The following KLHL13 variants were observed in gnomAD, a reference collection of about 807,000 sequenced individuals.
KLHL13 encodes kelch like family member 13.
In KLHL13, 10 loss-of-function variants were observed where a neutral mutation model predicts 37.1. The observed-to-expected ratio is 0.27, with a 90% CI of 0.17 to 0.46. The LOEUF (loss-of-function observed/expected upper bound fraction) is 0.46, where lower values mean the gene tolerates loss of function less well. Ranked by LOEUF, KLHL13 falls within the 20% of genes least tolerant of loss-of-function variation. The pLI is 1.00. For synonymous variants in KLHL13, 163 were observed against 181.2 expected (o/e 0.90, Z 0.81); for missense variants, 360 against 509.3 (o/e 0.71, Z 2.82).
chrX:118,045,410 A>T (rs1412101450), intron 1 of KLHL13, among the ~76,000 whole-genome samples: 1 of 109,671 alleles, frequency 9.1e-6, no homozygotes, highest in African/African-American at 3.3e-5. Flanking sequence ...AAATGGGCAA[A>T]CTATCTGAAT....
At chrX:117,926,918 T>C (rs1932070971) in intron 2 of KLHL13, among the ~76,000 whole-genome samples, 1 of 78,725 alleles carries the variant, frequency 1.3e-5, no homozygotes, top group Non-Finnish European at 2.4e-5. Context: ...TTTTTTTTTT[T>C]TTTTTGAGAT....
At chrX:118,066,870 T>C (rs2054799762) in intron 1 of KLHL13, among the ~76,000 whole-genome samples, 1 of 111,767 alleles carries the variant, frequency 8.9e-6, no homozygotes, top group Non-Finnish European at 1.9e-5. Context: ...AATAAATATA[T>C]GGAAAGATGC....
At chrX:118,098,198 T>C (rs2055236462) in intron 1 of KLHL13, among the ~76,000 whole-genome samples, 1 of 111,694 alleles carries the variant, frequency 9.0e-6, no homozygotes, top group Non-Finnish European at 1.9e-5. Context: ...AGGGCTAATA[T>C]CCAGAATCTA....
chrX:118,105,502 TATCAATGC>T (rs1329661770), intron 1 of KLHL13, among the ~76,000 whole-genome samples: 2 of 112,863 alleles, frequency 1.8e-5, no homozygotes, highest in African/African-American at 6.4e-5. Context: ...GGTTTAAATG[TATCAATGC>T]ATCAGATGCA....
At chrX:117,937,334 C>T (rs1438187093) in intron 2 of KLHL13, among the ~76,000 whole-genome samples, 2 of 110,869 alleles carry the variant, frequency 1.8e-5, no homozygotes, top group Non-Finnish European at 3.8e-5. Context: ...TCTATGGTAC[C>T]ACAGGAAATA....
chrX:117,903,179 C>CGAGAGAGA lies in KLHL13; in HGVS notation c.1367-1241_1367-1234dup, dbSNP rs56692141. 3.9e-3 allele frequency among the ~76,000 whole-genome samples: 361 copies of CGAGAGAGA among 92,302 alleles called. 4 individuals are homozygous for CGAGAGAGA. Among genetic ancestry groups the CGAGAGAGA allele is most frequent in the African/African-American group, 0.014 (337 of 23,983 alleles). The allele number at this position is 92,302 out of a possible 115,157, so 80.2% of individuals were successfully genotyped here. ...ACACAGAGAGAGAGAGAGAGGAGAG[C>CGAGAGAGA]GAGAGAGAGAGAGAGAGAGAGAGAG... is the stretch of plus-strand genomic sequence containing the variant. On this transcript the variant is annotated intron_variant, in intron 5 of 6. Coordinates refer to ENST00000262820, the Ensembl canonical transcript of KLHL13.
intron 1 of KLHL13, among the ~76,000 whole-genome samples, chrX:118,026,247 T>C (rs1443826114): frequency 8.9e-6 from 1 of 111,999 alleles, no homozygotes; most frequent in Non-Finnish European, 1.9e-5. Flanking sequence ...AAATACTACA[T>C]TTTCAAAATA....
chrX:118,079,636 G>T lies in KLHL13; in HGVS notation c.-56+36872C>A, dbSNP rs780508669. On this transcript the variant is annotated intron_variant, in intron 1 of 6. Coordinates refer to the KLHL13 transcript ENST00000371882. ...ACTATAAAACACTGCTGAAAGAAATGAAAGACAACACAAATAAATGGAAAA... is the reference window on the plus strand; with the variant it reads ...ACTATAAAACACTGCTGAAAGAAATTAAAGACAACACAAATAAATGGAAAA... Among the ~76,000 whole-genome samples, 4 of 110,535 alleles carry T rather than the reference G, an allele frequency of 3.6e-5. No homozygotes were observed. The South Asian group carries it at 1.6e-3, about 43-fold the overall frequency.
At chrX:117,969,347 C>T (rs748570248) in intron 1 of KLHL13, among the ~76,000 whole-genome samples, 3 of 111,881 alleles carry the variant, frequency 2.7e-5, no homozygotes, top group Non-Finnish European at 5.6e-5. Flanking sequence ...CCTGAAGGAA[C>T]CATTTGCTGT....
At position 117,956,223 on chromosome X, in the gene KLHL13, A is replaced by G. The variant is rs58055526; in HGVS notation, c.99-10648T>C. On this transcript the variant is annotated intron_variant, in intron 1 of 6. Coordinates refer to ENST00000262820, the Ensembl canonical transcript of KLHL13. ...CATTTGGGCAAAATATTTATGTGTC[A>G]CAACTATACATCATTACCTAAAATA... Among the ~76,000 whole-genome samples, 648 of 112,303 alleles carry G rather than the reference A, an allele frequency of 5.8e-3. 7 individuals are homozygous for G. Among genetic ancestry groups the G allele is most frequent in the African/African-American group, 0.02 (623 of 30,980 alleles).
intron 1 of KLHL13, among the ~76,000 whole-genome samples, chrX:118,067,022 TA>T (rs1159881954): frequency 3.6e-5 from 4 of 111,645 alleles, no homozygotes; most frequent in Non-Finnish European, 5.6e-5. Flanking sequence ...TGGGGATAGG[TA>T]CTCAGAAATG....
intron 1 of KLHL13, among the ~76,000 whole-genome samples, chrX:118,048,328 A>G (rs941756178): frequency 8.9e-6 from 1 of 111,967 alleles, no homozygotes; most frequent in African/African-American, 3.2e-5. Flanking sequence ...ATACACACTC[A>G]CACACACATA....
chrX:117,953,919 T>C (rs1428523065), intron 1 of KLHL13, among the ~76,000 whole-genome samples: 4 of 111,721 alleles, frequency 3.6e-5, no homozygotes, highest in Non-Finnish European at 5.7e-5. Flanking sequence ...CTCCCAACAC[T>C]TATGGGGTAG....
intron 1 of KLHL13, among the ~76,000 whole-genome samples, chrX:118,099,256 T>C (rs989604209): frequency 1.8e-5 from 2 of 111,695 alleles, no homozygotes; most frequent in African/African-American, 3.2e-5. Flanking sequence ...CTGAAACAAA[T>C]ACTTTTGAAG....
At chrX:118,101,966 T>C (rs758593522) in intron 1 of KLHL13, among the ~76,000 whole-genome samples, 86 of 111,888 alleles carry the variant, frequency 7.7e-4, no homozygotes, top group African/African-American at 2.8e-3. Flanking sequence ...TCTTGGGTAT[T>C]TCTTTATAGT....
At chrX:118,024,706 T>C (rs913296889) in intron 1 of KLHL13, among the ~76,000 whole-genome samples, 6 of 111,967 alleles carry the variant, frequency 5.4e-5, no homozygotes, top group African/African-American at 1.9e-4. Context: ...ACCCACAGAA[T>C]GGCTAAAATT....
chrX:118,044,516 A>G (rs1464626834), intron 1 of KLHL13, among the ~76,000 whole-genome samples: 1 of 111,046 alleles, frequency 9.0e-6, no homozygotes, highest in Non-Finnish European at 1.9e-5. Flanking sequence ...CCAAAACAGC[A>G]TGGTGCTGGA....
chrX:118,097,412 G>C (rs1045521446), intron 1 of KLHL13, among the ~76,000 whole-genome samples: 1 of 111,141 alleles, frequency 9.0e-6, no homozygotes, highest in Non-Finnish European at 1.9e-5. Flanking sequence ...ACAAACCACT[G>C]CTCAAGCAAA....
intron 1 of KLHL13, among the ~76,000 whole-genome samples, chrX:118,020,626 G>C (rs190504221): frequency 0.084 from 9,274 of 110,254 alleles, 350 homozygotes; most frequent in African/African-American, 0.14. Context: ...ATTTGACCCA[G>C]CCATCCCATT....
Sources: gnomAD v4.1 joint callset for allele counts (sites outside exome capture counted in the v4.1 genomes callset) on GRCh38, gnomAD v4.1.1 for gene constraint, MANE v1.5 for transcripts, NCBI Gene and HGNC (gene_info 2026-07-23, HGNC 2026-07-21) for gene names.